INSC: variants seen among roughly 807,000 people sequenced by gnomAD.
INSC encodes INSC spindle orientation adaptor protein.
Under a neutral mutation model 58.6 loss-of-function variants are expected in INSC, and 67 were observed. That is an observed-to-expected ratio of 1.14 (90% CI 0.94 to 1.40). The LOEUF (loss-of-function observed/expected upper bound fraction) is 1.40, where lower values mean the gene tolerates loss of function less well. Ranked by LOEUF, INSC falls within the 40% of genes most tolerant of loss-of-function variation. The pLI is 0.00. For missense variants in INSC, 714 were observed against 692.0 expected (o/e 1.03, Z -0.36); for synonymous variants, 262 against 276.1 (o/e 0.95, Z 0.51).
upstream of INSC, among the ~76,000 whole-genome samples, chr11:15,111,418 T>C (rs1466256320): frequency 3.3e-5 from 5 of 152,184 alleles, no homozygotes; most frequent in Admixed American, 3.3e-4. Flanking sequence ...AGGTCTGAAC[T>C]TGTCCTTCCT....
At position 15,200,883 on chromosome 11, in the gene INSC, C is replaced by A. The variant is rs763307659; in HGVS notation, c.753C>A (p.Tyr251Ter). ...VCRQDSFRCL[Y>*]PQALRTLASI... ...GGCAGGACAGTTTCCGGTGCTTGTA[C>A]CCCCAGGCGCTCCGCACGCTGGCCT... Residue 251 changes from tyrosine (Y) to a stop codon, truncating the protein, a stop_gained, in exon 7 of 13, where the codon TAC becomes TAA. Transcript: ENST00000379556. LOFTEE classifies it high-confidence loss of function. The A allele has an allele frequency of 1.2e-6, 2 of 1,613,888 alleles. No individual in the cohort carries two copies. Among genetic ancestry groups the A allele is most frequent in the Non-Finnish European group, 1.7e-6 (2 of 1,180,004 alleles).
intron 5 of INSC, among the ~76,000 whole-genome samples, chr11:15,178,997 T>C (rs1024271998): frequency 1.3e-5 from 2 of 152,214 alleles, no homozygotes; most frequent in Admixed American, 6.5e-5. Flanking sequence ...CAGAGAAGAA[T>C]CTAGAAAGAT....
chr11:15,143,411 C>G (rs1477384638), intron 1 of INSC, among the ~76,000 whole-genome samples: 1 of 151,962 alleles, frequency 6.6e-6, no homozygotes, highest in Non-Finnish European at 1.5e-5. Context: ...GGAAGGAGTA[C>G]TATGAAGGTG....
intron 6 of INSC, among the ~76,000 whole-genome samples, chr11:15,193,862 G>C (rs560949453): frequency 6.6e-6 from 1 of 152,228 alleles, no homozygotes; most frequent in South Asian, 2.1e-4. Flanking sequence ...TTGAGGAATC[G>C]CCACACTGCT....
chr11:15,180,644 G>A (rs1381402143), intron 5 of INSC, among the ~76,000 whole-genome samples: 1 of 142,430 alleles, frequency 7.0e-6, no homozygotes, highest in Non-Finnish European at 1.5e-5. Flanking sequence ...TGCCCTGTTA[G>A]AGTGGGTTCC....
At chr11:15,185,257 C>T (rs551794631) in intron 5 of INSC, among the ~76,000 whole-genome samples, 1 of 152,284 alleles carries the variant, frequency 6.6e-6, no homozygotes, top group South Asian at 2.1e-4. Context: ...CAATGTAGTA[C>T]ACAAACTCCT....
intron 5 of INSC, among the ~76,000 whole-genome samples, chr11:15,189,611 C>G (rs959172586): frequency 1.1e-4 from 16 of 152,204 alleles, no homozygotes; most frequent in Non-Finnish European, 2.1e-4. Flanking sequence ...TCTTAAGTGT[C>G]TTTTCCATAA....
intron 3 of INSC, among the ~76,000 whole-genome samples, chr11:15,176,796 C>G (rs1187036141): frequency 6.6e-6 from 1 of 152,326 alleles, no homozygotes; most frequent in East Asian, 1.9e-4. Flanking sequence ...TTGCCTCGAA[C>G]TTTTCCTTCC....
chr11:15,160,189 G>T (rs1165535384), intron 2 of INSC, among the ~76,000 whole-genome samples: 2 of 152,172 alleles, frequency 1.3e-5, no homozygotes, highest in Non-Finnish European at 2.9e-5. Context: ...GACGTGTGGG[G>T]CACATGGGAC....
chr11:15,209,142 C>T lies in INSC; in HGVS notation c.819+8193C>T, dbSNP rs138857790. 2.0e-5 allele frequency among the ~76,000 whole-genome samples: 3 copies of T among 152,326 alleles called. No individual in the cohort carries two copies. The East Asian group carries it at 5.8e-4, about 29-fold the overall frequency. On this transcript the variant is annotated intron_variant, in intron 7 of 12. Coordinates refer to ENST00000379556, the MANE Select transcript of INSC (RefSeq NM_001042536.3). Reference sequence around the variant, plus strand: ...ACTGGACAAAATCCAAACCCCTCAGCCTGGCACTGAAGGTGCCCTCTGAGC... The same window carrying T: ...ACTGGACAAAATCCAAACCCCTCAGTCTGGCACTGAAGGTGCCCTCTGAGC...
chr11:15,220,622 C>T (rs1589985324), intron 7 of INSC, among the ~76,000 whole-genome samples: 2 of 152,268 alleles, frequency 1.3e-5, no homozygotes, highest in East Asian at 1.9e-4. Context: ...TGTGACTCAG[C>T]TTTCTTGTCT....
chr11:15,125,870 A>G (rs956491624), intron 1 of INSC, among the ~76,000 whole-genome samples: 11 of 152,098 alleles, frequency 7.2e-5, no homozygotes, highest in Admixed American at 3.3e-4. Flanking sequence ...TAGGAGCCCT[A>G]TGGGCTGGAG....
At chr11:15,267,133 G>GT in the INSC span, among the ~76,000 whole-genome samples, 3 of 151,852 alleles carry the variant, frequency 2.0e-5, no homozygotes, top group African/African-American at 4.8e-5. Context: ...TTGGTTAACA[G>GT]TTTTTTTGTC....
At chr11:15,244,893 C>T (rs1026294680) in intron 12 of INSC, among the ~76,000 whole-genome samples, 1 of 152,164 alleles carries the variant, frequency 6.6e-6, no homozygotes, top group Non-Finnish European at 1.5e-5. Flanking sequence ...ACTTAGCATG[C>T]ATTGTCTCAG....
intron 2 of INSC, among the ~76,000 whole-genome samples, chr11:15,171,935 A>G (rs1277007470): frequency 6.6e-6 from 1 of 152,136 alleles, no homozygotes; most frequent in Non-Finnish European, 1.5e-5. Flanking sequence ...ATCAAGCACC[A>G]ATTGTTTCCA....
chr11:15,135,424 G>A (rs1848221878), intron 1 of INSC, among the ~76,000 whole-genome samples: 1 of 152,222 alleles, frequency 6.6e-6, no homozygotes, highest in Non-Finnish European at 1.5e-5. Context: ...AACTGAAGAT[G>A]TTATAACAAT....
At chr11:15,264,998 A>C in the INSC span, among the ~76,000 whole-genome samples, 1 of 152,152 alleles carries the variant, frequency 6.6e-6, no homozygotes, top group Admixed American at 6.6e-5. Flanking sequence ...ACTCTCACTA[A>C]AGAAAATGCT....
At chr11:15,255,736 A>ATGTGTGTGTGTGTGTG in the INSC span, among the ~76,000 whole-genome samples, 11 of 147,912 alleles carry the variant, frequency 7.4e-5, no homozygotes, top group Admixed American at 2.0e-4. Flanking sequence ...AAGTGTGTGT[A>ATGTGTGTGTGTGTGTG]TGTGTGTGTG....
chr11:15,112,591 AGTGTGTGTGTGTGTGTGTGTGTGTGTGT>A (rs375142839), upstream of INSC: 9 of 367,248 alleles, frequency 2.5e-5, no homozygotes, highest in African/African-American at 3.0e-4. Flanking sequence ...GGTGGATGTG[AGTGTGTGTGTGTGTGTGTGTGTGTGTGT>A]GTGTGTGTGT....
Sources: allele counts gnomAD v4.1 joint callset (sites outside exome capture counted in the v4.1 genomes callset), GRCh38; gene constraint gnomAD v4.1.1; transcripts MANE v1.5; gene names NCBI Gene and HGNC (gene_info 2026-07-23, HGNC 2026-07-21).